The following TEP1 variants were observed in gnomAD, a reference collection of about 807,000 sequenced individuals.
TEP1 encodes telomerase protein component 1.
Under a neutral mutation model 306.3 loss-of-function variants are expected in TEP1, and 241 were observed. The ratio of observed to expected loss-of-function variants is 0.79; its 90% confidence interval spans 0.71 to 0.88. The LOEUF is 0.88. TEP1 is among the 40% of genes least tolerant of loss of function. The probability of loss-of-function intolerance (pLI) is 0.00; values close to 1 mark genes in which losing one functional copy is unlikely to be tolerated. For synonymous variants in TEP1, 1,289 were observed against 1,305.5 expected (o/e 0.99, Z 0.27); for missense variants, 3,051 against 3,276.1 (o/e 0.93, Z 1.68).
At position 20,400,906 on chromosome 14, in the gene TEP1, T is replaced by C. The variant is rs925601103; in HGVS notation, c.1549+78A>G. ...TAATAACTTCATCATTCCACAGAAA[T>C]CTTCTAGTGAGGATCTAAAATGTGG... On this transcript the variant is annotated intron_variant, in intron 9 of 54. Transcript: ENST00000262715. The C allele has an allele frequency of 7.2e-6, 11 of 1,524,592 alleles. No homozygotes were observed. In the African/African-American group the frequency reaches 1.1e-4, roughly 15 times the overall value. The allele number at this position is 1,524,592 out of a possible 1,614,324, so 94.4% of individuals were successfully genotyped here.
In TEP1 at chr14:20,411,835, G is replaced by T. The variant is rs559072711; in HGVS notation, c.-25+1570C>A. Among the ~76,000 whole-genome samples the T allele has an allele frequency of 1.1e-3, 161 of 152,144 alleles. 1 individual carries two copies. The highest frequency in any genetic ancestry group is 3.7e-3 in the African/African-American group (155 of 41,490). ...ACCATCAGGAACCTATTTTCTGGCT[G>T]GGTGTGGTGGCTCACACCTGTAATC... is the stretch of plus-strand genomic sequence containing the variant. On this transcript the variant is annotated intron_variant, in intron 1 of 54. Transcript: ENST00000262715.
Position 20,367,348 on chromosome 14 carries a change from G to A in TEP1, c.*1089C>T, listed in dbSNP as rs566289483. The A allele has an allele frequency of 7.0e-6, 1 of 142,320 alleles. No homozygotes were observed. The highest frequency in any genetic ancestry group is 2.1e-4 in the East Asian group (1 of 4,866). 8.8% of individuals were successfully genotyped at this position (142,320 alleles called of 1,614,324 possible). A position where few individuals can be genotyped will look rare whatever the true frequency, so the allele number is the denominator to read the frequency against. On this transcript the variant is annotated 3_prime_UTR_variant, in exon 55 of 55. Coordinates refer to ENST00000262715, the MANE Select transcript of TEP1 (RefSeq NM_007110.5). ...ATTGCACTCCAGCCTAGGTGACAGA[G>A]CCAGACTCTATCTCAAAAACAAAAA...
rs556193146 is a variant in TEP1, at chr14:20,371,493, T to C, written c.7216A>G (p.Ile2406Val). Residue 2406 changes from isoleucine (I) to valine (V), a missense_variant, in exon 50 of 55, where the codon ATC (isoleucine) becomes GTC (valine). By Grantham distance (29) the Ile-to-Val change is conservative. Around this residue, in one of 3 missense-constraint regions of TEP1, gnomAD observed 1,540 missense variants for 1,705.9 expected, o/e 0.90. Transcript: ENST00000262715. ...AAATGGCATTTTGGATCTTACCAGA[T>C]TTCAGATGGAGCATCCCCTGGCTTC... is the stretch of plus-strand genomic sequence containing the variant. Reference protein sequence around the residue: ...CMKPGDAPSEIWSSYTENPMI... With the variant: ...CMKPGDAPSEVWSSYTENPMI... 6.2e-7 allele frequency: 1 copy of C among 1,609,868 alleles called. No individual in the cohort carries two copies. The highest frequency in any genetic ancestry group is 1.7e-5 in the Admixed American group (1 of 58,322).
At chr14:20,398,045 GC>G (rs1878348061) in intron 9 of TEP1, among the ~76,000 whole-genome samples, 2 of 151,532 alleles carry the variant, frequency 1.3e-5, no homozygotes, top group African/African-American at 4.8e-5. Flanking sequence ...GAGCCACCAT[GC>G]CCAGCCCATA....
intron 18 of TEP1, among the ~76,000 whole-genome samples, chr14:20,387,274 C>A (rs1359471163): frequency 2.5e-4 from 36 of 146,118 alleles, no homozygotes; most frequent in Non-Finnish European, 9.0e-5. Flanking sequence ...TGGTCAGGCG[C>A]GATGGCTCAC....
At chr14:20,409,930 G>A (rs1332276764) in intron 1 of TEP1, among the ~76,000 whole-genome samples, 2 of 149,628 alleles carry the variant, frequency 1.3e-5, no homozygotes, top group Non-Finnish European at 3.0e-5. Flanking sequence ...GCTGAGGCAG[G>A]AGAATGGCGT....
At position 20,366,002 on chromosome 14, in the gene TEP1, G is replaced by C. The variant is rs1220429094; in HGVS notation, c.*2435C>G. The C allele has an allele frequency of 6.6e-6, 1 of 152,220 alleles. No homozygotes were observed. The highest frequency in any genetic ancestry group is 2.4e-5 in the African/African-American group (1 of 41,460). The allele number at this position is 152,220 out of a possible 1,614,324, so 9.4% of individuals were successfully genotyped here. ...GGGAGACACTGAAACTCCATTTAAA[G>C]ATAAGAACTTGAAGGATGTTTAATG... On this transcript the variant is annotated 3_prime_UTR_variant, in exon 55 of 55. Transcript: ENST00000262715.
Position 20,373,317 on chromosome 14 carries a change from G to A in TEP1, c.6767C>T (p.Ala2256Val). ...VSETSGLMLT[A>V]SEDGSVRLWQ... Reference sequence around the variant, plus strand: ...GAGCCGTACAGAACCATCCTCAGAGGCGGTCAGCATGAGGCCTGAGGTTTC... The same window carrying A: ...GAGCCGTACAGAACCATCCTCAGAGACGGTCAGCATGAGGCCTGAGGTTTC... The change falls in exon 47 of 55, where the codon GCC (alanine) becomes GTC (valine). Residue 2256 changes from alanine to valine, a missense_variant. Around this residue, in one of 3 missense-constraint regions of TEP1, gnomAD observed 1,540 missense variants for 1,705.9 expected, o/e 0.90. Coordinates refer to ENST00000262715, the MANE Select transcript of TEP1 (RefSeq NM_007110.5). 1 of 1,614,168 alleles carries A rather than the reference G, an allele frequency of 6.2e-7. No homozygotes were observed. Among genetic ancestry groups the A allele is most frequent in the Non-Finnish European group, 8.5e-7 (1 of 1,180,038 alleles).
At chr14:20,393,931 A>G (rs1877957374) in intron 12 of TEP1, among the ~76,000 whole-genome samples, 1 of 152,074 alleles carries the variant, frequency 6.6e-6, no homozygotes, top group African/African-American at 2.4e-5. Context: ...TACAAAAAAT[A>G]CAAAAAATAG....
chr14:20,400,638 C>T lies in TEP1; in HGVS notation c.1549+346G>A, dbSNP rs538502459. ...CATGTCCTAAATACAATATGAGGTT[C>T]TGTACAGATTCCAATATGCCATGTG... On this transcript the variant is annotated intron_variant, in intron 9 of 54. Coordinates refer to ENST00000262715, the MANE Select transcript of TEP1 (RefSeq NM_007110.5). 1.5e-5 allele frequency: 3 copies of T among 201,604 alleles called. No individual in the cohort carries two copies. In the East Asian group the frequency reaches 3.3e-4, roughly 22 times the overall value. The allele number at this position is 201,604 out of a possible 1,614,324, so 12.5% of individuals were successfully genotyped here.
intron 13 of TEP1, 123 bp from the exon 14 acceptor site, chr14:20,391,219 A>G (rs1877693628): frequency 9.7e-7 from 1 of 1,034,908 alleles, no homozygotes; most frequent in African/African-American, 1.6e-5. Context: ...GTAAAATCCC[A>G]AGTTAGGAGG....
chr14:20,369,344 C>G lies in TEP1; in HGVS notation c.7656G>C (p.Lys2552Asn). Reference sequence around the variant, plus strand: ...TTTCTGACCCTTCCTTCAAACTCACCTTTCTACGCTGCCGTGTCTTTAGAT... The same window carrying G: ...TTTCTGACCCTTCCTTCAAACTCACGTTTCTACGCTGCCGTGTCTTTAGAT... ...TPHLKTRQRR[K>N]IHSGSVTALH... The change falls in exon 53 of 55, where the codon AAG becomes AAC. Residue 2552 changes from lysine to asparagine, a missense_variant and splice_region_variant. Physicochemically the swap from Lys to Asn is moderately conservative, Grantham distance 94. This residue lies in a region of TEP1 where 1,540 missense variants were observed against 1,705.9 expected (regional missense o/e 0.90). Coordinates refer to ENST00000262715, the MANE Select transcript of TEP1 (RefSeq NM_007110.5). The G allele has an allele frequency of 1.2e-6, 2 of 1,614,152 alleles. No homozygotes were observed. The highest frequency in any genetic ancestry group is 1.7e-6 in the Non-Finnish European group (2 of 1,180,014).
rs1876934813 is a variant in TEP1 at position 20,384,463 on chromosome 14, A to C, written c.3267T>G (p.Val1089=). Reference sequence around the variant, plus strand: ...ACTGCCCAAACTCCTCCAGCCCGCCAACATAGGGCCGGCCAGCTGCCACAC... The same window carrying C: ...ACTGCCCAAACTCCTCCAGCCCGCCCACATAGGGCCGGCCAGCTGCCACAC... ...WGGVAAGRPY[V]GGLEEFGQLV... The change falls in exon 23 of 55, where the codon GTT becomes GTG. Residue 1089 remains valine (V), a synonymous_variant. Coordinates refer to ENST00000262715, the MANE Select transcript of TEP1 (RefSeq NM_007110.5). 2 of 1,614,050 alleles carry C rather than the reference A, an allele frequency of 1.2e-6. No homozygotes were observed. The highest frequency in any genetic ancestry group is 1.7e-6 in the Non-Finnish European group (2 of 1,180,014).
chr14:20,383,145 C>G, intron 27 of TEP1, 29 bp downstream of exon 27: 1 of 1,555,600 alleles, frequency 6.4e-7, no homozygotes, highest in South Asian at 1.2e-5. Flanking sequence ...TCACCCCACA[C>G]ACCCACCGGC....
intron 43 of TEP1, among the ~76,000 whole-genome samples, chr14:20,375,010 G>A (rs935041874): frequency 2.0e-5 from 3 of 150,794 alleles, no homozygotes; most frequent in African/African-American, 2.4e-5. Flanking sequence ...AGAATCATTC[G>A]AACCTGGGAG....
At chr14:20,370,769 A>G (rs1471542914) in intron 51 of TEP1, among the ~76,000 whole-genome samples, 2 of 152,200 alleles carry the variant, frequency 1.3e-5, no homozygotes. Flanking sequence ...TCAGGATTTA[A>G]TAACCTTCCC....
chr14:20,378,719 G>GTCT, intron 37 of TEP1, 35 bp downstream of exon 37: 2 of 1,606,680 alleles, frequency 1.2e-6, no homozygotes, highest in East Asian at 4.5e-5. Flanking sequence ...TCATGGCTCA[G>GTCT]GGCCACTCTG....
chr14:20,383,553 C>A lies in TEP1; in HGVS notation c.3802G>T (p.Ala1268Ser), dbSNP rs1876790253. ...CCATTCTGGTCCACTAACCTATCAG[C>A]CCCATCGATGATCAGGACCTGGGTC... The part of the protein sequence containing the change: ...GQTQVLIIDG[A>S]DRLVDQNGQL... Residue 1268 changes from alanine (A) to serine (S), a missense_variant, in exon 26 of 55, where the codon GCT becomes TCT. Around this residue, in one of 3 missense-constraint regions of TEP1, gnomAD observed 1,540 missense variants for 1,705.9 expected, o/e 0.90. Coordinates refer to ENST00000262715, the MANE Select transcript of TEP1 (RefSeq NM_007110.5). 1.9e-6 allele frequency: 3 copies of A among 1,614,088 alleles called. No homozygotes were observed. Among genetic ancestry groups the A allele is most frequent in the Non-Finnish European group, 1.7e-6 (2 of 1,180,044 alleles).
chr14:20,375,799 G>C lies in TEP1; in HGVS notation c.6319C>G (p.Arg2107Gly), dbSNP rs757195695. ...CAGGCACAGCCAGTGACCCAGTCAC[G>C]GTGACAGGCAGGGAAGGAGTGGATC... ...VLIHSFPACH[R>G]DWVTGCAWTK... is the part of the protein sequence containing the mutation. The change falls in exon 43 of 55, where the codon CGT becomes GGT. Residue 2107 changes from arginine to glycine, a missense_variant. Coordinates refer to ENST00000262715, the MANE Select transcript of TEP1 (RefSeq NM_007110.5). 6.2e-7 allele frequency: 1 copy of C among 1,613,678 alleles called. No homozygotes were observed. The highest frequency in any genetic ancestry group is 1.7e-5 in the Admixed American group (1 of 60,006).
Sources: gnomAD v4.1 joint callset for allele counts (sites outside exome capture counted in the v4.1 genomes callset) on GRCh38, gnomAD v4.1.1 for gene constraint, gnomAD v4.1.1 regional missense constraint, MANE v1.5 for transcripts, NCBI Gene and HGNC (gene_info 2026-07-23, HGNC 2026-07-21) for gene names.